The following ATRNL1 variants were observed in gnomAD, a reference collection of about 807,000 sequenced individuals.
ATRNL1 encodes attractin-like protein 1.
In ATRNL1, 95 loss-of-function variants were observed where a neutral mutation model predicts 182.7. The ratio of observed to expected loss-of-function variants is 0.52; its 90% CI spans 0.44 to 0.62. ATRNL1 has a LOEUF of 0.62. Ranked by LOEUF, ATRNL1 falls within the 20% of genes least tolerant of loss-of-function variation. The pLI is 0.00. For missense variants in ATRNL1, 1,471 were observed against 1,679.5 expected (o/e 0.88, Z 2.17); for synonymous variants, 576 against 568.3 (o/e 1.01, Z -0.19).
intron 1 of ATRNL1, among the ~76,000 whole-genome samples, chr10:115,094,545 A>C (rs776429687): frequency 2.0e-5 from 3 of 152,166 alleles, no homozygotes; most frequent in African/African-American, 7.2e-5. Flanking sequence ...TTTAGTCATC[A>C]TAGTGATGTT....
intron 19 of ATRNL1, among the ~76,000 whole-genome samples, chr10:115,370,340 T>C (rs1554947664): frequency 6.6e-6 from 1 of 152,096 alleles, no homozygotes; most frequent in Non-Finnish European, 1.5e-5. Context: ...CAGGCCAAGG[T>C]TGGAACAGTT....
chr10:115,819,884 A>G (rs1392886841), intron 27 of ATRNL1: 1 of 149,894 alleles, frequency 6.7e-6, no homozygotes, highest in Non-Finnish European at 1.5e-5. Flanking sequence ...CTAGAATTCT[A>G]TTTCCAAGAA....
intron 21 of ATRNL1, among the ~76,000 whole-genome samples, chr10:115,445,924 ATTACT>A (rs575166582): frequency 7.2e-5 from 11 of 152,336 alleles, no homozygotes; most frequent in East Asian, 5.8e-4. Context: ...AGCAGAAATC[ATTACT>A]TTATTTCTTT....
chr10:115,591,199 G>A (rs999686866), intron 26 of ATRNL1, among the ~76,000 whole-genome samples: 1 of 152,188 alleles, frequency 6.6e-6, no homozygotes, highest in Non-Finnish European at 1.5e-5. Flanking sequence ...GAGATCTCTG[G>A]TTTGGAGATA....
intron 26 of ATRNL1, among the ~76,000 whole-genome samples, chr10:115,645,720 CTAG>C (rs1859567873): frequency 6.6e-6 from 1 of 151,806 alleles, no homozygotes. Flanking sequence ...TGAATGTTTA[CTAG>C]TTTTACTTAA....
intron 20 of ATRNL1, among the ~76,000 whole-genome samples, chr10:115,404,945 A>G (rs1220891525): frequency 1.3e-5 from 2 of 151,696 alleles, no homozygotes; most frequent in South Asian, 2.1e-4. Context: ...GCTTTATTTA[A>G]CTCTAGATGG....
chr10:115,445,759 A>C (rs552887588), intron 21 of ATRNL1, among the ~76,000 whole-genome samples: 1 of 35,950 alleles, frequency 2.8e-5, no homozygotes, highest in East Asian at 9.5e-4. Context: ...ACATGTCAGC[A>C]GTCACTTATC....
At chr10:115,114,967 T>TTA in intron 1 of ATRNL1, among the ~76,000 whole-genome samples, 1 of 152,170 alleles carries the variant, frequency 6.6e-6, no homozygotes, top group South Asian at 2.1e-4. Context: ...ATAGCCAATA[T>TTA]TGGGAAACAA....
At position 115,370,547 on chromosome 10, in the gene ATRNL1, G is replaced by A. The variant is rs782051927; in HGVS notation, c.3176-24112G>A. Among the ~76,000 whole-genome samples the A allele has an allele frequency of 5.9e-5, 9 of 152,300 alleles. No homozygotes were observed. The South Asian group carries it at 8.3e-4, about 14-fold the overall frequency. On this transcript the variant is annotated intron_variant, in intron 19 of 28. Transcript: ENST00000355044. Reference sequence around the variant, plus strand: ...GTTACGTTTTAGCAAAGAGACTGGCGGCATTTTGCCCTTGCCCTAGAGATT... The same window carrying A: ...GTTACGTTTTAGCAAAGAGACTGGCAGCATTTTGCCCTTGCCCTAGAGATT...
At chr10:115,371,855 T>C (rs1168672677) in intron 19 of ATRNL1, among the ~76,000 whole-genome samples, 5 of 152,180 alleles carry the variant, frequency 3.3e-5, no homozygotes, top group Non-Finnish European at 7.3e-5. Context: ...CACCCAAGTC[T>C]CATCTTGAAT....
chr10:115,345,563 T>C (rs1482744589), intron 19 of ATRNL1, among the ~76,000 whole-genome samples: 1 of 152,208 alleles, frequency 6.6e-6, no homozygotes, highest in African/African-American at 2.4e-5. Context: ...CACCAGGTAC[T>C]ATGAGGGCTC....
chr10:115,536,832 C>G (rs1554990577), intron 25 of ATRNL1, among the ~76,000 whole-genome samples: 3 of 152,138 alleles, frequency 2.0e-5, no homozygotes, highest in African/African-American at 2.4e-5. Flanking sequence ...AAATGTAACT[C>G]CCTGAAGAAA....
At chr10:115,581,463 ACT>A (rs1263050410) in intron 26 of ATRNL1, among the ~76,000 whole-genome samples, 1 of 152,016 alleles carries the variant, frequency 6.6e-6, no homozygotes, top group Non-Finnish European at 1.5e-5. Context: ...TGAACTACAC[ACT>A]CTGATCTAGA....
rs3750690 is a variant in ATRNL1, at chr10:115,315,521, A to T, written c.2822A>T (p.Gln941Leu). The change falls in exon 18 of 29, where the codon CAA (glutamine) becomes CTA (leucine). Residue 941 changes from glutamine to leucine, a missense_variant. Coordinates refer to ENST00000355044, the MANE Select transcript of ATRNL1 (RefSeq NM_207303.4). ...LEWQTATCSP[Q>L]NCSGLRTCGQ... ...TGTCAATGTTCCTGTCACGCAGCTC[A>T]AAATTGTTCTGGATTGAGAACCTGT... 267 of 1,605,944 alleles carry T rather than the reference A, an allele frequency of 1.7e-4. 1 individual carries two copies. In the East Asian group the frequency reaches 5.3e-3, roughly 32 times the overall value.
intron 26 of ATRNL1, among the ~76,000 whole-genome samples, chr10:115,635,594 T>C (rs1338683749): frequency 6.6e-6 from 1 of 152,180 alleles, no homozygotes; most frequent in Non-Finnish European, 1.5e-5. Flanking sequence ...AAGCTGAGTA[T>C]ATGGATACCC....
intron 26 of ATRNL1, among the ~76,000 whole-genome samples, chr10:115,578,134 G>A (rs1854840041): frequency 6.6e-6 from 1 of 151,726 alleles, no homozygotes; most frequent in African/African-American, 2.4e-5. Flanking sequence ...TCTTTTTGTT[G>A]TGTTGTTGTA....
chr10:115,147,570 A>G (rs1846028461), intron 5 of ATRNL1, among the ~76,000 whole-genome samples: 1 of 151,842 alleles, frequency 6.6e-6, no homozygotes, highest in Non-Finnish European at 1.5e-5. Flanking sequence ...CATTTTGCCT[A>G]TGTTTTCTTC....
chr10:115,717,564 T>TTTTTTTTTC (rs1947294118), intron 26 of ATRNL1, among the ~76,000 whole-genome samples: 2 of 143,916 alleles, frequency 1.4e-5, no homozygotes, highest in Admixed American at 7.1e-5. Context: ...TTTTTTTTTT[T>TTTTTTTTTC]TTTTTGAGAT....
At chr10:115,807,308 T>G (rs2960714) in intron 27 of ATRNL1, among the ~76,000 whole-genome samples, 149,306 of 152,132 alleles carry the variant, frequency 0.98, 73,321 homozygotes, top group East Asian at 1. Context: ...CAGAGACGGA[T>G]CTTCATCATG....
Sources: allele counts gnomAD v4.1 joint callset (sites outside exome capture counted in the v4.1 genomes callset), GRCh38; gene constraint gnomAD v4.1.1; transcripts MANE v1.5; gene names NCBI Gene and HGNC (gene_info 2026-07-23, HGNC 2026-07-21).